CA1: variants seen among roughly 807,000 people sequenced by gnomAD.
The protein encoded by CA1 is carbonate dehydratase I.
In CA1, 27 loss-of-function variants were observed where a neutral mutation model predicts 28.8. That is an observed-to-expected ratio of 0.94 (90% CI 0.69 to 1.29). The LOEUF is 1.29. CA1 is among the 50% of genes most tolerant of loss of function. The pLI, the probability that CA1 is intolerant of heterozygous loss-of-function variation, is 0.00. For missense variants in CA1, 335 were observed against 310.5 expected (o/e 1.08, Z -0.59); for synonymous variants, 121 against 108.8 (o/e 1.11, Z -0.70).
At chr8:85,354,105 A>G (rs547621298) in intron 1 of CA1, among the ~76,000 whole-genome samples, 2 of 150,598 alleles carry the variant, frequency 1.3e-5, no homozygotes, top group Non-Finnish European at 3.0e-5. Context: ...CTGGGATTAC[A>G]GGCCTGTGCC....
intron 2 of CA1, among the ~76,000 whole-genome samples, chr8:85,339,444 T>C (rs919837064): frequency 3.3e-5 from 5 of 152,226 alleles, no homozygotes; most frequent in Non-Finnish European, 7.3e-5. Flanking sequence ...TTTTAACTAC[T>C]TTACTGACTG....
chr8:85,330,207 A>C (rs187143881), intron 6 of CA1, among the ~76,000 whole-genome samples: 7 of 152,190 alleles, frequency 4.6e-5, no homozygotes, highest in African/African-American at 1.7e-4. Context: ...GCCAGATTCT[A>C]TTTCAATGGC....
At chr8:85,342,973 C>A (rs1808987823) in intron 1 of CA1, 1 of 152,056 alleles carries the variant, frequency 6.6e-6, no homozygotes, top group Admixed American at 6.6e-5. Context: ...GAGGCCCAAG[C>A]TCCCATTCTA....
In CA1 at chr8:85,333,221, C is replaced by T. The variant is rs185940392; in HGVS notation, c.450+304G>A. Among the ~76,000 whole-genome samples the T allele has an allele frequency of 1.1e-4, 17 of 152,148 alleles. No individual in the cohort carries two copies. The East Asian group carries it at 2.9e-3, about 26-fold the overall frequency. On this transcript the variant is annotated intron_variant, in intron 5 of 7. Transcript: ENST00000523022. The stretch of plus-strand genomic sequence containing the variant: ...ACATTAAATTAATAAATTTCAGAAT[C>T]TATGATGTAGGAAATTTAGAGGAAA...
chr8:85,354,322 T>G (rs1358236467), intron 1 of CA1, among the ~76,000 whole-genome samples: 3 of 150,404 alleles, frequency 2.0e-5, no homozygotes, highest in Non-Finnish European at 4.4e-5. Flanking sequence ...AGGAAAAACA[T>G]ATCTAGAGAG....
intron 1 of CA1, among the ~76,000 whole-genome samples, chr8:85,363,008 G>A (rs1011345005): frequency 9.2e-5 from 14 of 152,124 alleles, no homozygotes; most frequent in African/African-American, 3.1e-4. Flanking sequence ...AGAAAGTCAG[G>A]GTAATGTGAG....
At chr8:85,344,163 ATTATATACT>A (rs1809039590) in intron 1 of CA1, among the ~76,000 whole-genome samples, 1 of 134,280 alleles carries the variant, frequency 7.4e-6, no homozygotes, top group African/African-American at 2.8e-5. Flanking sequence ...TATACTGTAT[ATTATATACT>A]GTATATAATA....
chr8:85,362,453 G>A (rs991021986), intron 1 of CA1, among the ~76,000 whole-genome samples: 5 of 152,146 alleles, frequency 3.3e-5, no homozygotes, highest in Non-Finnish European at 7.4e-5. Context: ...AGTGATGGTG[G>A]CGTTTGAAGG....
chr8:85,368,047 C>G (rs1810076361), intron 1 of CA1, among the ~76,000 whole-genome samples: 1 of 151,546 alleles, frequency 6.6e-6, no homozygotes, highest in Non-Finnish European at 1.5e-5. Context: ...AATTTTCCAG[C>G]TACTTATACA....
intron 6 of CA1, among the ~76,000 whole-genome samples, chr8:85,332,164 A>C (rs1015963491): frequency 6.6e-6 from 1 of 152,206 alleles, no homozygotes; most frequent in Admixed American, 6.5e-5. Flanking sequence ...AAAAAACTAG[A>C]GATATCTTTA....
At chr8:85,336,389 TC>T (rs1178784504) in intron 4 of CA1, among the ~76,000 whole-genome samples, 1 of 152,200 alleles carries the variant, frequency 6.6e-6, no homozygotes, top group African/African-American at 2.4e-5. Flanking sequence ...TCTCCATTTT[TC>T]TTTGGATATA....
At chr8:85,341,707 C>T in intron 1 of CA1, 48 bp from the exon 2 acceptor site, 1 of 1,002,772 alleles carries the variant, frequency 1.0e-6, no homozygotes, top group Non-Finnish European at 1.6e-6. Context: ...ACTGTGCATG[C>T]AGGAGATGCC....
intron 1 of CA1, among the ~76,000 whole-genome samples, chr8:85,355,279 TC>T (rs1809561086): frequency 6.6e-6 from 1 of 152,128 alleles, no homozygotes; most frequent in South Asian, 2.1e-4. Context: ...CTGAGAAACA[TC>T]ACCCCAAAAT....
chr8:85,358,033 C>CT (rs1413731841), intron 1 of CA1, among the ~76,000 whole-genome samples: 1 of 152,182 alleles, frequency 6.6e-6, no homozygotes, highest in African/African-American at 2.4e-5. Context: ...AGAAACAACT[C>CT]TATCTTCATT....
At chr8:85,348,862 C>T (rs1172382698) in intron 1 of CA1, among the ~76,000 whole-genome samples, 2 of 152,118 alleles carry the variant, frequency 1.3e-5, no homozygotes, top group Non-Finnish European at 2.9e-5. Context: ...TTATTTTTTA[C>T]TGAGTGTGCT....
intron 4 of CA1, among the ~76,000 whole-genome samples, chr8:85,336,615 A>G (rs1353486696): frequency 3.9e-5 from 6 of 152,172 alleles, no homozygotes; most frequent in Non-Finnish European, 8.8e-5. Flanking sequence ...AGAGGAAATG[A>G]TGGTGTGTTC....
At chr8:85,348,478 A>T (rs1174390133) in intron 1 of CA1, among the ~76,000 whole-genome samples, 1 of 152,192 alleles carries the variant, frequency 6.6e-6, no homozygotes, top group Non-Finnish European at 1.5e-5. Context: ...TAGATCTATC[A>T]AAGAAAAGTG....
At chr8:85,342,003 G>A (rs1294022226) in intron 1 of CA1, among the ~76,000 whole-genome samples, 1 of 151,940 alleles carries the variant, frequency 6.6e-6, no homozygotes, top group African/African-American at 2.4e-5. Flanking sequence ...AAAATACTTT[G>A]TACACTCAAG....
intron 1 of CA1, among the ~76,000 whole-genome samples, chr8:85,344,131 TTA>T (rs927715038): frequency 1.5e-5 from 2 of 137,234 alleles, no homozygotes; most frequent in African/African-American, 5.3e-5. Flanking sequence ...AAATTTAAAT[TTA>T]TATATATAAT....
Sources: allele counts gnomAD v4.1 joint callset (sites outside exome capture counted in the v4.1 genomes callset), GRCh38; gene constraint gnomAD v4.1.1; transcripts MANE v1.5; gene names NCBI Gene and HGNC (gene_info 2026-07-23, HGNC 2026-07-21).